Variants in USP49 observed in about 807,000 individuals in gnomAD.
USP49 encodes ubiquitin specific peptidase 49, also known as ubiquitin carboxyl-terminal hydrolase 49.
USP49 carries 24 observed loss-of-function variants against 58.6 expected under a neutral mutation model. That is an observed-to-expected ratio of 0.41 (90% CI 0.30 to 0.58). The LOEUF (loss-of-function observed/expected upper bound fraction) is 0.58, where lower values mean the gene tolerates loss of function less well. USP49 is among the 20% of genes least tolerant of loss of function. The pLI, the probability that USP49 is intolerant of heterozygous loss-of-function variation, is 0.30. For missense variants in USP49, 703 were observed against 866.1 expected, an observed-to-expected ratio of 0.81 and a Z score of 2.36; for synonymous variants, 408 against 365.1, an observed-to-expected ratio of 1.12 and a Z score of -1.34.
chr6:41,875,825 G>A lies in USP49; in HGVS notation c.-102-4188C>T, dbSNP rs541956123. Among the ~76,000 whole-genome samples the A allele has an allele frequency of 5.9e-5, 9 of 152,106 alleles. No individual in the cohort carries two copies. In the East Asian group the frequency reaches 1.2e-3, roughly 20 times the overall value. On this transcript the variant is annotated intron_variant, in intron 2 of 7. Transcript: ENST00000682992. ...TGGCTCACTGCAACCTCCGCCTCCC[G>A]GGTTCAAGTGATTCTCCTGCCTCAG... is the stretch of plus-strand genomic sequence containing the variant.
At chr6:41,840,191 G>C (rs1251005234) in intron 3 of USP49, among the ~76,000 whole-genome samples, 2 of 151,670 alleles carry the variant, frequency 1.3e-5, no homozygotes, top group African/African-American at 4.8e-5. Flanking sequence ...TGGCTAACAC[G>C]GTGAAACCCT....
At chr6:41,817,347 C>G (rs764623546) in intron 3 of USP49, among the ~76,000 whole-genome samples, 52 of 149,574 alleles carry the variant, frequency 3.5e-4, no homozygotes, top group Non-Finnish European at 6.2e-4. Flanking sequence ...TGGGTTTCAC[C>G]ATGTTGGCCA....
At chr6:41,817,167 T>TTTTTTTTTTTTTA (rs60908132) in intron 3 of USP49, among the ~76,000 whole-genome samples, 3 of 135,538 alleles carry the variant, frequency 2.2e-5, no homozygotes, top group African/African-American at 9.1e-5. Flanking sequence ...TTTTTTTTTT[T>TTTTTTTTTTTTTA]GAGACAGAGT....
chr6:41,802,407 T>TTTTTATTTTATTTTATTTTATTTTA (rs1226537417), intron 5 of USP49, among the ~76,000 whole-genome samples: 872 of 75,906 alleles, frequency 0.011, 22 homozygotes, highest in Non-Finnish European at 0.017. Flanking sequence ...TTTATTTTAT[T>TTTTTATTTTATTTTATTTTATTTTA]TTTTATTTTA....
In USP49 at chr6:41,803,697, C is replaced by T; in HGVS notation, c.1561+109G>A. On this transcript the variant is annotated intron_variant, in intron 5 of 7. Transcript: ENST00000682992. This position sits in a 1 kb window ranked among gnomAD's most constrained non-coding sequence, Gnocchi z 4.1. ...AGATCTTTAAAAGATGCTTTAGAAC[C>T]ATTCAATATCATTAGTGTTACTTTT... 8.5e-7 allele frequency: 1 copy of T among 1,169,808 alleles called. No individual in the cohort carries two copies. Among genetic ancestry groups the T allele is most frequent in the Non-Finnish European group, 1.2e-6 (1 of 809,546 alleles). The allele number at this position is 1,169,808 out of a possible 1,614,324, so 72.5% of individuals were successfully genotyped here.
intron 3 of USP49, among the ~76,000 whole-genome samples, chr6:41,824,062 T>C (rs1302912358): frequency 6.6e-6 from 1 of 152,176 alleles, no homozygotes; most frequent in Non-Finnish European, 1.5e-5. Flanking sequence ...ACTCTGAAAG[T>C]AGTTAAACCT....
rs760157388 is a variant in USP49, at chr6:41,850,483, TA to T, written c.-29+21080del. 4.7e-5 allele frequency among the ~76,000 whole-genome samples: 7 copies of T among 149,644 alleles called. 1 individual carries two copies. Among genetic ancestry groups the T allele is most frequent in the East Asian group, 2.0e-4 (1 of 5,080 alleles). On this transcript the variant is annotated intron_variant, in intron 3 of 7. Coordinates refer to ENST00000682992, the MANE Select transcript of USP49 (RefSeq NM_001286554.2). ...AAAAAAAATAAATAAATAAATAATA[TA>T]AAATAAAATCAGAAATGAAAGGGGA...
intron 5 of USP49, among the ~76,000 whole-genome samples, chr6:41,802,484 T>TTATTTA (rs1773037597): frequency 7.5e-6 from 1 of 132,666 alleles, no homozygotes; most frequent in Non-Finnish European, 1.6e-5. Context: ...TATTTATTTT[T>TTATTTA]TTTTTTTGAG....
In USP49 at chr6:41,806,730, T is replaced by C. The variant is rs769905942; in HGVS notation, c.254A>G (p.Asn85Ser). Reference sequence around the variant, plus strand: ...CTTCAGGTCCCCCTCTGGGTTATCATTGAGCACGTAGTCCTTGCACAGGTA... The same window carrying C: ...CTTCAGGTCCCCCTCTGGGTTATCACTGAGCACGTAGTCCTTGCACAGGTA... Reference protein sequence around the residue: ...FCYLCKDYVLNDNPEGDLKLL... With the variant: ...FCYLCKDYVLSDNPEGDLKLL... The change falls in exon 4 of 8, where the codon AAT (asparagine) becomes AGT (serine). Residue 85 changes from asparagine to serine, a missense_variant. Around this residue, in one of 6 missense-constraint regions of USP49, gnomAD observed 376 missense variants for 373.5 expected, o/e 1.01. Coordinates refer to ENST00000682992, the MANE Select transcript of USP49 (RefSeq NM_001286554.2). The surrounding 1 kb of genome is among the most constrained non-coding windows in gnomAD (Gnocchi z 5.9). The C allele has an allele frequency of 9.3e-6, 15 of 1,614,142 alleles. No homozygotes were observed. Among genetic ancestry groups the C allele is most frequent in the East Asian group, 8.9e-5 (4 of 44,902 alleles).
rs963338511 is a variant in USP49, at chr6:41,800,308, C to T, written c.1562-370G>A. Among the ~76,000 whole-genome samples, 14 of 152,278 alleles carry T rather than the reference C, an allele frequency of 9.2e-5. No individual in the cohort carries two copies. In the East Asian group the frequency reaches 2.7e-3, roughly 29 times the overall value. On this transcript the variant is annotated intron_variant, in intron 5 of 7. Coordinates refer to ENST00000682992, the MANE Select transcript of USP49 (RefSeq NM_001286554.2). ...TGCAATGGGATAGTAAAACAGAAAACAGAAATAGCTTGGGTCACTGATGAC... is the reference window on the plus strand; with the variant it reads ...TGCAATGGGATAGTAAAACAGAAAATAGAAATAGCTTGGGTCACTGATGAC...
intron 3 of USP49, among the ~76,000 whole-genome samples, chr6:41,831,901 C>T (rs1383337861): frequency 6.6e-6 from 1 of 152,172 alleles, no homozygotes; most frequent in East Asian, 1.9e-4. Flanking sequence ...TTCAGACGTC[C>T]CAAGAACAGT....
intron 3 of USP49, among the ~76,000 whole-genome samples, chr6:41,855,898 A>C (rs1222950363): frequency 1.3e-5 from 2 of 151,814 alleles, no homozygotes; most frequent in Non-Finnish European, 2.9e-5. Flanking sequence ...AAATACAAAA[A>C]TTAGCTGAGC....
intron 3 of USP49, among the ~76,000 whole-genome samples, chr6:41,858,856 T>C (rs1036347652): frequency 6.6e-6 from 1 of 152,176 alleles, no homozygotes; most frequent in African/African-American, 2.4e-5. Flanking sequence ...CTAAACATAG[T>C]ATGTATTTAC....
At chr6:41,838,538 G>C (rs1469673003) in intron 3 of USP49, among the ~76,000 whole-genome samples, 2 of 152,150 alleles carry the variant, frequency 1.3e-5, no homozygotes, top group African/African-American at 4.8e-5. Context: ...CTGCAGTCCA[G>C]CTCTAAGGAA....
At chr6:41,842,197 T>G (rs1024761458) in intron 3 of USP49, among the ~76,000 whole-genome samples, 2 of 151,776 alleles carry the variant, frequency 1.3e-5, no homozygotes, top group Admixed American at 6.6e-5. Flanking sequence ...AATAATTATG[T>G]GCATGGTAGG....
intron 3 of USP49, among the ~76,000 whole-genome samples, chr6:41,858,420 A>G (rs1270968969): frequency 6.6e-6 from 1 of 151,818 alleles, no homozygotes; most frequent in East Asian, 1.9e-4. Context: ...CTCCTTCACC[A>G]CTTCCCATAT....
Position 41,803,992 on chromosome 6 carries a change from T to C in USP49, c.1375A>G (p.Asn459Asp). 3 of 1,614,190 alleles carry C rather than the reference T, an allele frequency of 1.9e-6. No homozygotes were observed. The highest frequency in any genetic ancestry group is 2.5e-6 in the Non-Finnish European group (3 of 1,180,044). ...GGCTCAATGGTATTGGATTTGTAAT[T>C]GCATGATATACATGTGACCTAGAAT... ...LLSQVTCISC[N>D]YKSNTIEPFW... Residue 459 changes from asparagine (N) to aspartate (D), a missense_variant, in exon 5 of 8, where the codon AAT (asparagine) becomes GAT (aspartate). By Grantham distance (23) the Asn-to-Asp change is conservative. This residue lies in a region of USP49 where 158 missense variants were observed against 241.2 expected (regional missense o/e 0.66). Transcript: ENST00000682992. The surrounding 1 kb of genome is among the most constrained non-coding windows in gnomAD (Gnocchi z 4.1).
chr6:41,806,929 G>A lies in USP49; in HGVS notation c.55C>T (p.Leu19=), dbSNP rs1439417962. The A allele has an allele frequency of 6.2e-7, 1 of 1,612,310 alleles. No homozygotes were observed. The highest frequency in any genetic ancestry group is 2.2e-5 in the East Asian group (1 of 44,884). ...AAGCAGCACCACTTCTGAGGGTTCAGGATGGAGTGGTCCTGGGCGAGCCGT... is the reference window on the plus strand; with the variant it reads ...AAGCAGCACCACTTCTGAGGGTTCAAGATGGAGTGGTCCTGGGCGAGCCGT... ...RLRLAQDHSI[L]NPQKWCCLEC... is the part of the protein sequence containing the mutation. The change falls in exon 4 of 8, where the codon CTG becomes TTG. Residue 19 remains leucine, a synonymous_variant. Coordinates refer to ENST00000682992, the MANE Select transcript of USP49 (RefSeq NM_001286554.2). This position sits in a 1 kb window ranked among gnomAD's most constrained non-coding sequence, Gnocchi z 5.9.
chr6:41,816,169 CACAG>C (rs527392718), intron 3 of USP49, among the ~76,000 whole-genome samples: 1 of 152,178 alleles, frequency 6.6e-6, no homozygotes, highest in South Asian at 2.1e-4. Flanking sequence ...GAGAGAGACA[CACAG>C]ACAGACAGAC....
Sources: allele counts gnomAD v4.1 joint callset (sites outside exome capture counted in the v4.1 genomes callset), GRCh38; gene constraint gnomAD v4.1.1; regional missense constraint gnomAD v4.1.1; non-coding constraint Gnocchi (gnomAD v3.1); transcripts MANE v1.5; gene names NCBI Gene and HGNC (gene_info 2026-07-23, HGNC 2026-07-21).